The following SPTBN1 variants were observed in gnomAD, a reference collection of about 807,000 sequenced individuals.
The protein encoded by SPTBN1 is spectrin beta chain, non-erythrocytic 1.
Under a neutral mutation model 266.4 loss-of-function variants are expected in SPTBN1, and 32 were observed. The observed-to-expected ratio is 0.12, with a 90% CI of 0.09 to 0.16. SPTBN1 has a LOEUF of 0.16. Among genes scored for constraint, SPTBN1 ranks in the 10% least tolerant of loss-of-function variants. The probability of loss-of-function intolerance (pLI) is 1.00; values close to 1 mark genes in which losing one functional copy is unlikely to be tolerated. For synonymous variants in SPTBN1, 1,336 were observed against 1,162.2 expected, an observed-to-expected ratio of 1.15 and a Z score of -3.04; for missense variants, 2,296 against 3,067.1, an observed-to-expected ratio of 0.75 and a Z score of 5.94.
At chr2:54,479,214 A>G (rs1234845504) in intron 1 of SPTBN1, among the ~76,000 whole-genome samples, 2 of 152,216 alleles carry the variant, frequency 1.3e-5, no homozygotes, top group African/African-American at 4.8e-5. Flanking sequence ...TGTGTTGTGT[A>G]TAGCAATGAT....
At chr2:54,570,833 T>G (rs1340384072) in intron 2 of SPTBN1, among the ~76,000 whole-genome samples, 1 of 152,216 alleles carries the variant, frequency 6.6e-6, no homozygotes, top group East Asian at 1.9e-4. Context: ...CTTTAAAGTT[T>G]ACCGTGTCTT....
Position 54,631,403 on chromosome 2 carries a change from A to G in SPTBN1, c.3356A>G (p.Gln1119Arg). 1 of 1,614,274 alleles carries G rather than the reference A, an allele frequency of 6.2e-7. No homozygotes were observed. Among genetic ancestry groups the G allele is most frequent in the South Asian group, 1.1e-5 (1 of 91,090 alleles). The change falls in exon 16 of 36, where the codon CAG (glutamine) becomes CGG (arginine). Residue 1119 changes from glutamine (Q) to arginine (R), a missense_variant. This residue lies in a region of SPTBN1 where 386 missense variants were observed against 486.1 expected (regional missense o/e 0.79). Coordinates refer to ENST00000356805, the MANE Select transcript of SPTBN1 (RefSeq NM_003128.3). ...NEIDNYEEDYQKMRDMGEMVT... is the reference protein window; with the variant it reads ...NEIDNYEEDYRKMRDMGEMVT... ...ATCGACAACTACGAGGAGGACTACC[A>G]GAAGATGAGGGACATGGGCGAGATG... is the stretch of plus-strand genomic sequence containing the variant.
At chr2:54,577,543 A>G (rs1674575698) in intron 2 of SPTBN1, among the ~76,000 whole-genome samples, 1 of 152,184 alleles carries the variant, frequency 6.6e-6, no homozygotes, top group African/African-American at 2.4e-5. Flanking sequence ...TGGTACTGAT[A>G]ATGGTAATAG....
intron 2 of SPTBN1, among the ~76,000 whole-genome samples, chr2:54,551,791 A>G (rs1418994095): frequency 1.3e-5 from 2 of 152,252 alleles, no homozygotes; most frequent in Non-Finnish European, 2.9e-5. Flanking sequence ...AACAGAGATA[A>G]TAATTCCTAT....
intron 2 of SPTBN1, among the ~76,000 whole-genome samples, chr2:54,565,532 A>G (rs1573426639): frequency 6.6e-6 from 1 of 152,352 alleles, no homozygotes; most frequent in East Asian, 1.9e-4. Flanking sequence ...AAGTTTAGAA[A>G]AAATAGAGAT....
At chr2:54,661,925 AAATTTT>A in intron 32 of SPTBN1, 1 of 985,414 alleles carries the variant, frequency 1.0e-6, no homozygotes, top group Non-Finnish European at 1.2e-6. Context: ...TGTCATAACA[AAATTTT>A]AATTACAATT....
intron 18 of SPTBN1, among the ~76,000 whole-genome samples, chr2:54,642,522 A>T (rs911615269): frequency 4.1e-4 from 52 of 127,424 alleles, no homozygotes; most frequent in Non-Finnish European, 7.0e-4. Flanking sequence ...GAGGTAATAA[A>T]TAAGTAGTTT....
At position 54,631,085 on chromosome 2, in the gene SPTBN1, G is replaced by T. The variant is rs762681320; in HGVS notation, c.3038G>T (p.Ser1013Ile). 1 of 1,614,130 alleles carries T rather than the reference G, an allele frequency of 6.2e-7. No homozygotes were observed. Among genetic ancestry groups the T allele is most frequent in the South Asian group, 1.1e-5 (1 of 91,086 alleles). The change falls in exon 16 of 36, where the codon AGT becomes ATT. Residue 1013 changes from serine (S) to isoleucine (I), a missense_variant. Ser to Ile is a moderately radical substitution (Grantham distance 142). Coordinates refer to ENST00000356805, the MANE Select transcript of SPTBN1 (RefSeq NM_003128.3). Reference protein sequence around the residue: ...RDLVAIEAKLSDLQKEAEKLE... With the variant: ...RDLVAIEAKLIDLQKEAEKLE... Reference sequence around the variant, plus strand: ...TTGGTGGCCATTGAGGCAAAGCTGAGTGACCTGCAGAAGGAGGCGGAGAAG... The same window carrying T: ...TTGGTGGCCATTGAGGCAAAGCTGATTGACCTGCAGAAGGAGGCGGAGAAG...
chr2:54,667,646 T>C lies in SPTBN1; in HGVS notation c.6876T>C (p.Asp2292=). The change falls in exon 35 of 36, where the codon GAT becomes GAC. Residue 2292 remains aspartate, a splice_region_variant and synonymous_variant. Transcript: ENST00000356805. ...AGTACCTCTTCCAAGCCAAAGACGA[T>C]GTAAGTTTCTAAATGTTATTTCTCT... ...GNEYLFQAKD[D]EEMNTWIQAI... 1 of 1,613,746 alleles carries C rather than the reference T, an allele frequency of 6.2e-7. No homozygotes were observed. Among genetic ancestry groups the C allele is most frequent in the East Asian group, 2.2e-5 (1 of 44,882 alleles).
intron 35 of SPTBN1, 139 bp from the exon 36 acceptor site, chr2:54,668,212 A>T: frequency 1.4e-6 from 1 of 719,056 alleles, no homozygotes; most frequent in Non-Finnish European, 2.4e-6. Context: ...GATAAGGCAG[A>T]GGTGCATTTG....
chr2:54,556,339 G>C (rs1391493272), intron 2 of SPTBN1, among the ~76,000 whole-genome samples: 1 of 152,138 alleles, frequency 6.6e-6, no homozygotes, highest in Non-Finnish European at 1.5e-5. Flanking sequence ...ATTCAGTGTT[G>C]GCTTCACAGG....
chr2:54,576,346 G>A lies in SPTBN1; in HGVS notation c.149-22746G>A, dbSNP rs188629664. Among the ~76,000 whole-genome samples the A allele has an allele frequency of 2.0e-5, 3 of 152,184 alleles. No individual in the cohort carries two copies. In the East Asian group the frequency reaches 5.8e-4, roughly 29 times the overall value. On this transcript the variant is annotated intron_variant, in intron 2 of 35. Transcript: ENST00000356805. Reference sequence around the variant, plus strand: ...TGGGATTACAGGTGTGAGCCACCGCGCCCGGCCTTCAGCTCTTCTTTCTGC... The same window carrying A: ...TGGGATTACAGGTGTGAGCCACCGCACCCGGCCTTCAGCTCTTCTTTCTGC...
At chr2:54,569,137 T>C (rs766421458) in intron 2 of SPTBN1, among the ~76,000 whole-genome samples, 2 of 152,126 alleles carry the variant, frequency 1.3e-5, no homozygotes, top group Non-Finnish European at 2.9e-5. Flanking sequence ...CTGCTGAAAC[T>C]TGTTGGCCGG....
At chr2:54,497,032 G>A (rs1283699996) in intron 1 of SPTBN1, among the ~76,000 whole-genome samples, 1 of 152,194 alleles carries the variant, frequency 6.6e-6, no homozygotes, top group Non-Finnish European at 1.5e-5. Context: ...TATGGAAGTC[G>A]TTGCTCAGGA....
chr2:54,594,807 C>T lies in SPTBN1; in HGVS notation c.149-4285C>T, dbSNP rs545755424. ...AATCTTGTTCAGTCCTGAGATTTTACGATTCCATGACCCTCTGGTAAGTTT... is the reference window on the plus strand; with the variant it reads ...AATCTTGTTCAGTCCTGAGATTTTATGATTCCATGACCCTCTGGTAAGTTT... On this transcript the variant is annotated intron_variant, in intron 2 of 35. Transcript: ENST00000356805. Among the ~76,000 whole-genome samples, 3 of 144,032 alleles carry T rather than the reference C, an allele frequency of 2.1e-5. 1 individual carries two copies. Among genetic ancestry groups the T allele is most frequent in the South Asian group, 2.2e-4 (1 of 4,630 alleles). The allele number at this position is 144,032 out of a possible 152,430, so 94.5% of individuals were successfully genotyped here.
chr2:54,580,149 C>G (rs1001993019), intron 2 of SPTBN1, among the ~76,000 whole-genome samples: 5 of 152,238 alleles, frequency 3.3e-5, no homozygotes, highest in African/African-American at 1.2e-4. Flanking sequence ...TCCGGCCACA[C>G]GGAACCTGAG....
chr2:54,625,822 C>T lies in SPTBN1; in HGVS notation c.1342-110C>T, dbSNP rs549839894. ...GCCAGGCTAGTCTCGAACTCCTGAC[C>T]TCAAGTGATCTGCCCGCCTCGGCCT... On this transcript the variant is annotated intron_variant, in intron 11 of 35. Coordinates refer to ENST00000356805, the MANE Select transcript of SPTBN1 (RefSeq NM_003128.3). 96 of 1,220,484 alleles carry T rather than the reference C, an allele frequency of 7.9e-5. No homozygotes were observed. In the African/African-American group the frequency reaches 1.1e-3, roughly 14 times the overall value. The allele number at this position is 1,220,484 out of a possible 1,614,324, so 75.6% of individuals were successfully genotyped here. A position where few individuals can be genotyped will look rare whatever the true frequency, so the allele number is the denominator to read the frequency against.
chr2:54,594,632 AAAG>A (rs1235945826), intron 2 of SPTBN1, among the ~76,000 whole-genome samples: 2 of 152,134 alleles, frequency 1.3e-5, no homozygotes, highest in Admixed American at 1.3e-4. Context: ...TTTTAATAAA[AAAG>A]AAAAAAAGTC....
At chr2:54,564,002 C>T (rs1673500819) in intron 2 of SPTBN1, among the ~76,000 whole-genome samples, 1 of 152,128 alleles carries the variant, frequency 6.6e-6, no homozygotes, top group African/African-American at 2.4e-5. Context: ...GATGCTCTTC[C>T]CGTAGTACCA....
Sources: allele counts gnomAD v4.1 joint callset (sites outside exome capture counted in the v4.1 genomes callset), GRCh38; gene constraint gnomAD v4.1.1; regional missense constraint gnomAD v4.1.1; transcripts MANE v1.5; gene names NCBI Gene and HGNC (gene_info 2026-07-23, HGNC 2026-07-21).